DAB1: variants seen among roughly 807,000 people sequenced by gnomAD.
DAB1 encodes the protein DAB adaptor protein 1.
DAB1 carries 15 observed loss-of-function variants against 64.6 expected under a neutral mutation model. The ratio of observed to expected loss-of-function variants is 0.23; its 90% CI spans 0.16 to 0.36. The LOEUF (loss-of-function observed/expected upper bound fraction) is 0.36, where lower values mean the gene tolerates loss of function less well. DAB1 is among the 10% of genes least tolerant of loss of function. The pLI, the probability that DAB1 is intolerant of heterozygous loss-of-function variation, is 1.00. For missense variants in DAB1, 596 were observed against 706.7 expected, an observed-to-expected ratio of 0.84 and a Z score of 1.78; for synonymous variants, 235 against 251.9, an observed-to-expected ratio of 0.93 and a Z score of 0.64.
intron 7 of DAB1, among the ~76,000 whole-genome samples, chr1:57,603,679 C>T (rs1288641158): frequency 6.6e-6 from 1 of 152,176 alleles, no homozygotes; most frequent in Non-Finnish European, 1.5e-5. Flanking sequence ...AAGCTTCATT[C>T]TCCATTAAGA....
intron 5 of DAB1, among the ~76,000 whole-genome samples, chr1:57,945,714 A>G (rs1207162690): frequency 1.3e-5 from 2 of 152,184 alleles, no homozygotes; most frequent in Non-Finnish European, 2.9e-5. Flanking sequence ...AAGAAGGCAT[A>G]TACATACCTG....
chr1:58,407,120 C>T (rs1644624055), intron 3 of DAB1, among the ~76,000 whole-genome samples: 1 of 152,208 alleles, frequency 6.6e-6, no homozygotes, highest in Admixed American at 6.5e-5. Flanking sequence ...CCTCCTCTCA[C>T]CCCCACCTCT....
intron 1 of DAB1, among the ~76,000 whole-genome samples, chr1:57,409,541 T>C (rs1009716706): frequency 2.0e-5 from 3 of 152,190 alleles, no homozygotes; most frequent in Admixed American, 1.3e-4. Context: ...CTGGGCGTGG[T>C]GGCTCACGCT....
At chr1:58,364,961 C>T (rs1257927966) in intron 3 of DAB1, among the ~76,000 whole-genome samples, 1 of 152,184 alleles carries the variant, frequency 6.6e-6, no homozygotes, top group East Asian at 1.9e-4. Flanking sequence ...TGTCATTTTC[C>T]ATTAACTTTT....
intron 7 of DAB1, among the ~76,000 whole-genome samples, chr1:57,589,144 G>A (rs1441920328): frequency 2.0e-5 from 3 of 152,110 alleles, no homozygotes; most frequent in Admixed American, 2.0e-4. Flanking sequence ...GCTTGAACCT[G>A]GGGGTGTGGA....
intron 6 of DAB1, among the ~76,000 whole-genome samples, chr1:57,811,456 C>T (rs1285653268): frequency 6.6e-6 from 1 of 152,176 alleles, no homozygotes; most frequent in East Asian, 1.9e-4. Context: ...TTGCCTTCTG[C>T]CATGATTCTA....
At chr1:57,897,267 T>C (rs1644405209) in intron 5 of DAB1, among the ~76,000 whole-genome samples, 1 of 152,220 alleles carries the variant, frequency 6.6e-6, no homozygotes, top group Non-Finnish European at 1.5e-5. Flanking sequence ...CATAATATTT[T>C]AAGCAAGTAA....
chr1:57,734,714 G>A (rs1647602675), intron 6 of DAB1, among the ~76,000 whole-genome samples: 1 of 152,192 alleles, frequency 6.6e-6, no homozygotes, highest in Admixed American at 6.5e-5. Flanking sequence ...CAGGGGACGG[G>A]ATATACTTTT....
At chr1:58,295,079 G>C (rs976481342) in intron 4 of DAB1, among the ~76,000 whole-genome samples, 7 of 151,998 alleles carry the variant, frequency 4.6e-5, no homozygotes, top group African/African-American at 1.4e-4. Flanking sequence ...ACCACATGTT[G>C]GTGGCTTAGG....
At chr1:57,291,804 C>G (rs1672798940) in intron 1 of DAB1, among the ~76,000 whole-genome samples, 1 of 152,176 alleles carries the variant, frequency 6.6e-6, no homozygotes, top group Admixed American at 6.5e-5. Context: ...CATTCATTCT[C>G]TAATAAATGT....
At chr1:57,991,985 C>CGCAGAGTGCAGAGACT (rs1553151285) in intron 5 of DAB1, among the ~76,000 whole-genome samples, 1 of 151,676 alleles carries the variant, frequency 6.6e-6, no homozygotes, top group African/African-American at 2.4e-5. Flanking sequence ...CACAAGCAGA[C>CGCAGAGTGCAGAGACT]GCAGAGACAC....
chr1:58,448,514 G>A (rs1392235050), intron 3 of DAB1, among the ~76,000 whole-genome samples: 2 of 152,206 alleles, frequency 1.3e-5, no homozygotes, highest in Admixed American at 6.5e-5. Context: ...GAAGCATGCA[G>A]TGAAGACTGG....
intron 6 of DAB1, among the ~76,000 whole-genome samples, chr1:57,769,126 T>C (rs1009266534): frequency 6.6e-6 from 1 of 152,182 alleles, no homozygotes; most frequent in Non-Finnish European, 1.5e-5. Context: ...GCCTGCTGCA[T>C]GGTACATGCT....
At chr1:57,280,466 C>T (rs1304010225) in intron 2 of DAB1, among the ~76,000 whole-genome samples, 1 of 152,164 alleles carries the variant, frequency 6.6e-6, no homozygotes, top group South Asian at 2.1e-4. Context: ...CATTTACTGA[C>T]TATCTGCAAA....
At chr1:57,740,088 C>T (rs1647911987) in intron 6 of DAB1, among the ~76,000 whole-genome samples, 2 of 148,838 alleles carry the variant, frequency 1.3e-5, no homozygotes, top group Non-Finnish European at 3.0e-5. Flanking sequence ...GTCGCATGCA[C>T]TTGTAGTCCC....
At chr1:58,136,049 GT>G (rs1451537419) in intron 5 of DAB1, among the ~76,000 whole-genome samples, 2 of 152,124 alleles carry the variant, frequency 1.3e-5, no homozygotes, top group Non-Finnish European at 2.9e-5. Flanking sequence ...GCAACAAAGT[GT>G]TTGCTGAGGG....
intron 3 of DAB1, among the ~76,000 whole-genome samples, chr1:58,373,906 G>C (rs1458098599): frequency 3.3e-5 from 5 of 150,358 alleles, no homozygotes; most frequent in African/African-American, 9.8e-5. Flanking sequence ...TAGTGGTTTT[G>C]ATTTGCATTT....
At chr1:57,485,805 A>C (rs1644083467) in intron 7 of DAB1, among the ~76,000 whole-genome samples, 1 of 152,226 alleles carries the variant, frequency 6.6e-6, no homozygotes, top group African/African-American at 2.4e-5. Flanking sequence ...GGCTGTCATA[A>C]TCACTGTGAT....
intron 6 of DAB1, among the ~76,000 whole-genome samples, chr1:57,712,678 C>G (rs4912276): frequency 0.42 from 63,114 of 151,916 alleles, 14,300 homozygotes; most frequent in African/African-American, 0.61. Flanking sequence ...GGGCTGCTCA[C>G]GAGAGTGTGT....
Sources: gnomAD v4.1 joint callset for allele counts (sites outside exome capture counted in the v4.1 genomes callset) on GRCh38, gnomAD v4.1.1 for gene constraint, MANE v1.5 for transcripts, NCBI Gene and HGNC (gene_info 2026-07-23, HGNC 2026-07-21) for gene names.